COX7B2: variants seen among roughly 807,000 people sequenced by gnomAD.
COX7B2 encodes the protein cytochrome c oxidase subunit 7B2, mitochondrial.
For missense variants in COX7B2, 109 were observed against 95.9 expected (o/e 1.14, Z -0.57); for synonymous variants, 37 against 32.1 (o/e 1.15, Z -0.51).
chr4:46,759,178 G>A (rs535828252), intron 2 of COX7B2, among the ~76,000 whole-genome samples: 4 of 151,726 alleles, frequency 2.6e-5, no homozygotes, highest in Admixed American at 6.6e-5. Context: ...TAAAATCTAC[G>A]GAAAATGAGG....
At chr4:46,776,877 T>C (rs1717182163) in intron 2 of COX7B2, among the ~76,000 whole-genome samples, 1 of 152,084 alleles carries the variant, frequency 6.6e-6, no homozygotes. Context: ...ATACACCAGC[T>C]AGTTTAAAGT....
intron 1 of COX7B2, among the ~76,000 whole-genome samples, chr4:46,856,962 C>T (rs905177440): frequency 2.0e-5 from 3 of 152,042 alleles, no homozygotes; most frequent in South Asian, 4.2e-4. Flanking sequence ...TTGATAGACC[C>T]GTGTAATGAA....
chr4:46,823,747 G>T (rs528934837), intron 2 of COX7B2, among the ~76,000 whole-genome samples: 1 of 151,552 alleles, frequency 6.6e-6, no homozygotes, highest in Non-Finnish European at 1.5e-5. Flanking sequence ...GAAAAAATAT[G>T]TAAAGATTAG....
rs926362989 is a variant in COX7B2 at position 46,844,984 on chromosome 4, G to T, written c.-74C>A. 6.6e-6 allele frequency: 1 copy of T among 151,844 alleles called. No homozygotes were observed. The highest frequency in any genetic ancestry group is 2.4e-5 in the African/African-American group (1 of 41,366). 9.4% of individuals were successfully genotyped at this position (151,844 alleles called of 1,614,324 possible). ...CCTGTTAGAAATCTGAAGCTCAAAT[G>T]CTCTCCTCAGAAAGTTTCAGATTCT... On this transcript the variant is annotated 5_prime_UTR_variant, in exon 2 of 3. Coordinates refer to ENST00000355591, the MANE Select transcript of COX7B2 (RefSeq NM_130902.3).
At chr4:46,883,446 A>C (rs1014165700) in intron 1 of COX7B2, among the ~76,000 whole-genome samples, 5 of 152,056 alleles carry the variant, frequency 3.3e-5, no homozygotes, top group Non-Finnish European at 5.9e-5. Context: ...AGTATTAAAT[A>C]TTTAATTGGC....
At chr4:46,855,037 A>C (rs774747710) in intron 1 of COX7B2, among the ~76,000 whole-genome samples, 1 of 152,162 alleles carries the variant, frequency 6.6e-6, no homozygotes, top group African/African-American at 2.4e-5. Flanking sequence ...AATTAACAAA[A>C]GTTTATTAGG....
intron 2 of COX7B2, among the ~76,000 whole-genome samples, chr4:46,832,249 T>C (rs904994111): frequency 6.6e-6 from 1 of 152,186 alleles, no homozygotes; most frequent in African/African-American, 2.4e-5. Flanking sequence ...GCTTCACTCC[T>C]GAGCCAGTGA....
intron 2 of COX7B2, among the ~76,000 whole-genome samples, chr4:46,817,139 T>A (rs538874362): frequency 2.0e-5 from 3 of 152,324 alleles, no homozygotes; most frequent in Admixed American, 1.3e-4. Flanking sequence ...AGCTAAATGG[T>A]TAACTGACAA....
chr4:46,797,303 G>A (rs949868643), intron 2 of COX7B2, among the ~76,000 whole-genome samples: 29 of 151,950 alleles, frequency 1.9e-4, no homozygotes, highest in Admixed American at 1.3e-3. Context: ...CTGAACTGAC[G>A]CAAATTCTAG....
chr4:46,812,525 T>C (rs927835313), intron 2 of COX7B2, among the ~76,000 whole-genome samples: 2 of 152,024 alleles, frequency 1.3e-5, no homozygotes, highest in Non-Finnish European at 2.9e-5. Flanking sequence ...TGATAGGACA[T>C]AGGAGTATCC....
intron 2 of COX7B2, among the ~76,000 whole-genome samples, chr4:46,793,225 G>C (rs1006819607): frequency 1.2e-4 from 18 of 151,990 alleles, no homozygotes; most frequent in African/African-American, 4.4e-4. Flanking sequence ...GGGTGGAAGG[G>C]AGTTCACCTT....
intron 2 of COX7B2, among the ~76,000 whole-genome samples, chr4:46,735,708 G>A (rs1008037331): frequency 1.3e-5 from 2 of 151,900 alleles, no homozygotes; most frequent in East Asian, 3.9e-4. Context: ...AATTCTGCTT[G>A]CCTTTGAAAT....
chr4:46,762,606 G>A (rs1716254342), intron 2 of COX7B2, among the ~76,000 whole-genome samples: 1 of 148,842 alleles, frequency 6.7e-6, no homozygotes. Flanking sequence ...AAACTGTGAG[G>A]TAGAGAGCAT....
intron 2 of COX7B2, among the ~76,000 whole-genome samples, chr4:46,797,361 A>G (rs1362313985): frequency 6.6e-6 from 1 of 152,138 alleles, no homozygotes; most frequent in Non-Finnish European, 1.5e-5. Context: ...GGGATTTATG[A>G]AGGCCATGTG....
chr4:46,857,145 G>GT (rs1225041908), intron 1 of COX7B2, among the ~76,000 whole-genome samples: 1 of 152,168 alleles, frequency 6.6e-6, no homozygotes, highest in Non-Finnish European at 1.5e-5. Context: ...GAGCCTGGTG[G>GT]TAACAGTACA....
intron 2 of COX7B2, among the ~76,000 whole-genome samples, chr4:46,760,015 A>G (rs957240336): frequency 1.9e-4 from 29 of 152,162 alleles, no homozygotes; most frequent in African/African-American, 6.5e-4. Flanking sequence ...CGTAACAGAA[A>G]CAAGAACAGT....
intron 1 of COX7B2, among the ~76,000 whole-genome samples, chr4:46,851,130 T>C (rs899243619): frequency 2.0e-5 from 3 of 151,970 alleles, no homozygotes; most frequent in African/African-American, 7.3e-5. Flanking sequence ...TCCAAGAAGG[T>C]AGGTGACTCC....
chr4:46,853,823 T>C (rs1716850118), intron 1 of COX7B2, among the ~76,000 whole-genome samples: 2 of 152,136 alleles, frequency 1.3e-5, no homozygotes, highest in Non-Finnish European at 2.9e-5. Flanking sequence ...CTCAACTGAT[T>C]CTGCATTATC....
intron 2 of COX7B2, among the ~76,000 whole-genome samples, chr4:46,786,836 A>G (rs1310156301): frequency 1.3e-5 from 2 of 152,198 alleles, no homozygotes; most frequent in Non-Finnish European, 2.9e-5. Context: ...GTTGGTCCCT[A>G]AAGAGGTAGC....
Sources: allele counts gnomAD v4.1 joint callset (sites outside exome capture counted in the v4.1 genomes callset), GRCh38; gene constraint gnomAD v4.1.1; transcripts MANE v1.5; gene names NCBI Gene and HGNC (gene_info 2026-07-23, HGNC 2026-07-21).